IRAG2: variants seen among roughly 807,000 people sequenced by gnomAD.
IRAG2 encodes lymphoid restricted membrane protein.
IRAG2 carries 45 observed loss-of-function variants against 69.9 expected under a neutral mutation model. That is an observed-to-expected ratio of 0.64 (90% CI 0.51 to 0.83). The LOEUF (loss-of-function observed/expected upper bound fraction) is 0.83. Ranked by LOEUF, IRAG2 falls within the 40% of genes least tolerant of loss-of-function variation. IRAG2 has a pLI of 0.00. For missense variants in IRAG2, 520 were observed against 587.0 expected, an observed-to-expected ratio of 0.89 and a Z score of 1.18; for synonymous variants, 193 against 202.4, an observed-to-expected ratio of 0.95 and a Z score of 0.40.
chr12:25,031,031 A>G (rs1944663924), intron 10 of IRAG2: 9 of 985,338 alleles, frequency 9.1e-6, no homozygotes, highest in Non-Finnish European at 1.1e-5. Flanking sequence ...GGTGCTGGTT[A>G]CGGTAACTTT....
chr12:25,039,232 C>T (rs186640678), intron 16 of IRAG2, among the ~76,000 whole-genome samples: 48 of 152,078 alleles, frequency 3.2e-4, no homozygotes, highest in African/African-American at 1.1e-3. Context: ...AGCAAATAGC[C>T]AGAAGAAACT....
intron 14 of IRAG2, among the ~76,000 whole-genome samples, chr12:25,095,205 G>C (rs1314929016): frequency 6.6e-6 from 1 of 151,930 alleles, no homozygotes; most frequent in African/African-American, 2.4e-5. Context: ...TCGTAGTAGG[G>C]TTTTCATATA....
At chr12:25,063,475 T>A (rs943822746) in intron 3 of IRAG2, among the ~76,000 whole-genome samples, 1 of 152,234 alleles carries the variant, frequency 6.6e-6, no homozygotes, top group Non-Finnish European at 1.5e-5. Flanking sequence ...GTTGATGATG[T>A]TAGCATTCTC....
intron 14 of IRAG2, chr12:25,090,988 G>A: frequency 3.2e-6 from 1 of 310,868 alleles, no homozygotes. Flanking sequence ...GAAGAATGGG[G>A]GTGCAGAGGA....
intron 5 of IRAG2, among the ~76,000 whole-genome samples, chr12:25,067,793 G>A (rs1946083421): frequency 6.6e-6 from 1 of 151,952 alleles, no homozygotes; most frequent in Non-Finnish European, 1.5e-5. Flanking sequence ...TCAGCCTTCT[G>A]AGTAGCTGAG....
chr12:25,025,686 T>C (rs1014559936), intron 8 of IRAG2, among the ~76,000 whole-genome samples: 1 of 152,236 alleles, frequency 6.6e-6, no homozygotes, highest in African/African-American at 2.4e-5. Flanking sequence ...GTCTTTGCAA[T>C]GATCCAGTCA....
At chr12:25,056,291 G>C (rs1497261) in intron 1 of IRAG2, among the ~76,000 whole-genome samples, 9,845 of 152,228 alleles carry the variant, frequency 0.065, 437 homozygotes, top group Non-Finnish European at 0.094. Context: ...GATACTTAAA[G>C]ATAGAAGGTT....
intron 6 of IRAG2, among the ~76,000 whole-genome samples, chr12:25,077,187 T>TATATATGAA (rs1378332145): frequency 2.4e-4 from 15 of 63,206 alleles, no homozygotes; most frequent in South Asian, 1.2e-3. Flanking sequence ...ATATATATGA[T>TATATATGAA]ATATATATGA....
At chr12:25,039,958 G>C (rs188227285) in intron 16 of IRAG2, among the ~76,000 whole-genome samples, 306 of 152,304 alleles carry the variant, frequency 2.0e-3, no homozygotes, top group African/African-American at 7.0e-3. Flanking sequence ...ACCCAGCTGG[G>C]ATTAAGTGAC....
chr12:25,030,287 C>T (rs1484559985), exon 10 of IRAG2: 12 of 1,231,596 alleles, frequency 9.7e-6, no homozygotes, highest in Middle Eastern at 6.2e-4. Context: ...GATGCAGTTA[C>T]ACACATATGA....
upstream of IRAG2, among the ~76,000 whole-genome samples, chr12:24,999,469 C>T (rs1460397965): frequency 1.3e-5 from 2 of 151,996 alleles, no homozygotes; most frequent in Non-Finnish European, 2.9e-5. Context: ...ATCTATAAGC[C>T]AGAGCAATGA....
At position 25,107,027 on chromosome 12, in the gene IRAG2, A is replaced by T; in HGVS notation, c.1233A>T (p.Pro411=). ...GTCTTTCTGAAAAGAAAAATAATCC[A>T]TCAAAGTGGGATGTCTCTTCAGTGT... ...KPSLSEKKNN[P]SKWDVSSVYD... is the part of the protein sequence containing the mutation. The change falls in exon 21 of 22, where the codon CCA becomes CCT. Residue 411 remains proline, a synonymous_variant. Coordinates refer to ENST00000556887, the MANE Select transcript of IRAG2 (RefSeq NM_001366544.2). The T allele has an allele frequency of 6.2e-7, 1 of 1,602,034 alleles. No homozygotes were observed. Among genetic ancestry groups the T allele is most frequent in the Non-Finnish European group, 8.5e-7 (1 of 1,171,556 alleles).
chr12:25,073,407 A>G (rs997047702), intron 6 of IRAG2, among the ~76,000 whole-genome samples: 2 of 152,216 alleles, frequency 1.3e-5, no homozygotes, highest in African/African-American at 4.8e-5. Flanking sequence ...ACGTCTGTTT[A>G]AAACACTGAG....
At chr12:25,077,275 GAA>G (rs1337065151) in intron 6 of IRAG2, among the ~76,000 whole-genome samples, 15 of 14,046 alleles carry the variant, frequency 1.1e-3, no homozygotes, top group Admixed American at 1.6e-3. Flanking sequence ...AAATATATAT[GAA>G]ATATATATGA....
At chr12:25,019,384 G>A (rs1214321289) in intron 6 of IRAG2, among the ~76,000 whole-genome samples, 2 of 152,150 alleles carry the variant, frequency 1.3e-5, no homozygotes, top group Non-Finnish European at 2.9e-5. Context: ...AGATTGTATC[G>A]AGTGGTGGAA....
rs200970743 is a variant in IRAG2 at position 25,104,047 on chromosome 12, G to C, written c.1035G>C (p.Arg345Ser). The change falls in exon 19 of 22, where the codon AGG (arginine) becomes AGC (serine). Residue 345 changes from arginine to serine, a missense_variant. Arg to Ser is a moderately radical substitution (Grantham distance 110, BLOSUM62 -1). Transcript: ENST00000556887. ...GMENNDRFSRRSSSWRILGSK... is the reference protein window; with the variant it reads ...GMENNDRFSRSSSSWRILGSK... ...AAAATAATGATCGATTCAGTAGAAG[G>C]TCAAGCAGTTGGTAAGTGTAATTTT... 1 of 1,613,430 alleles carries C rather than the reference G, an allele frequency of 6.2e-7. No individual in the cohort carries two copies. Among genetic ancestry groups the C allele is most frequent in the East Asian group, 2.2e-5 (1 of 44,792 alleles).
intron 1 of IRAG2, among the ~76,000 whole-genome samples, chr12:25,057,891 C>T (rs1945376970): frequency 6.6e-6 from 1 of 152,130 alleles, no homozygotes; most frequent in Non-Finnish European, 1.5e-5. Flanking sequence ...TGTCTTTTTT[C>T]TGTCAGCATG....
chr12:25,104,895 T>C (rs1592111081), intron 20 of IRAG2, among the ~76,000 whole-genome samples: 1 of 152,244 alleles, frequency 6.6e-6, no homozygotes, highest in East Asian at 1.9e-4. Context: ...CTTCCATTTA[T>C]GTAAGTGAAG....
At chr12:25,105,498 A>C (rs1311473547) in intron 20 of IRAG2, among the ~76,000 whole-genome samples, 1 of 152,178 alleles carries the variant, frequency 6.6e-6, no homozygotes, top group Non-Finnish European at 1.5e-5. Context: ...ATTCTAAGGA[A>C]TATAAAGATG....
Sources: gnomAD v4.1 joint callset for allele counts (sites outside exome capture counted in the v4.1 genomes callset) on GRCh38, gnomAD v4.1.1 for gene constraint, MANE v1.5 for transcripts, NCBI Gene and HGNC (gene_info 2026-07-23, HGNC 2026-07-21) for gene names.